Variants in ASIC2 observed in about 807,000 individuals in gnomAD.
The protein encoded by ASIC2 is acid sensing ion channel subunit 2.
A neutral mutation model predicts 57.3 loss-of-function variants in ASIC2; 25 were observed. The ratio of observed to expected loss-of-function variants is 0.44; its 90% CI spans 0.32 to 0.61. The LOEUF is 0.61. Ranked by LOEUF, ASIC2 falls within the 20% of genes least tolerant of loss-of-function variation. The probability of loss-of-function intolerance (pLI) is 0.06; values close to 1 mark genes in which losing one functional copy is unlikely to be tolerated. For missense variants in ASIC2, 641 were observed against 738.1 expected, an observed-to-expected ratio of 0.87 and a Z score of 1.52; for synonymous variants, 319 against 307.5, an observed-to-expected ratio of 1.04 and a Z score of -0.39.
intron 1 of ASIC2, among the ~76,000 whole-genome samples, chr17:33,704,492 A>G (rs1265922781): frequency 1.3e-5 from 2 of 152,164 alleles, no homozygotes; most frequent in African/African-American, 4.8e-5. Flanking sequence ...GTCTCTCTCA[A>G]GGTGTACTGT....
intron 1 of ASIC2, among the ~76,000 whole-genome samples, chr17:33,673,785 C>A (rs1907717132): frequency 6.6e-6 from 1 of 152,176 alleles, no homozygotes; most frequent in Non-Finnish European, 1.5e-5. Flanking sequence ...GCTCCCTGAA[C>A]CTACCTTACT....
At chr17:33,029,360 A>G (rs980495573) in intron 3 of ASIC2, among the ~76,000 whole-genome samples, 6 of 152,148 alleles carry the variant, frequency 3.9e-5, no homozygotes, top group African/African-American at 1.4e-4. Context: ...CAAACTTCAT[A>G]TAAATGAAAG....
chr17:33,447,328 G>A (rs1912064344), intron 1 of ASIC2, among the ~76,000 whole-genome samples: 1 of 152,212 alleles, frequency 6.6e-6, no homozygotes, highest in Non-Finnish European at 1.5e-5. Context: ...CAGGTGACCT[G>A]CCTAGAGATA....
At chr17:33,180,399 C>T (rs142675721) in intron 1 of ASIC2, among the ~76,000 whole-genome samples, 38 of 152,304 alleles carry the variant, frequency 2.5e-4, no homozygotes, top group Middle Eastern at 3.4e-3. Context: ...GCAGGAGGAG[C>T]GCCTTGTACT....
At chr17:34,071,942 C>G (rs1240601951) in intron 1 of ASIC2, 1 of 152,008 alleles carries the variant, frequency 6.6e-6, no homozygotes, top group African/African-American at 2.4e-5. Context: ...TGTCTTTTTT[C>G]TTAAAAGTCA....
intron 1 of ASIC2, among the ~76,000 whole-genome samples, chr17:33,750,236 A>C (rs994624964): frequency 6.6e-6 from 1 of 151,920 alleles, no homozygotes; most frequent in Non-Finnish European, 1.5e-5. Context: ...CCCTTGTCCC[A>C]CTCTGCAGAA....
chr17:33,179,978 T>C (rs1567775165), intron 1 of ASIC2, among the ~76,000 whole-genome samples: 1 of 152,248 alleles, frequency 6.6e-6, no homozygotes, highest in Admixed American at 6.5e-5. Context: ...AGTTTCAATC[T>C]ATCTGTAATT....
chr17:33,045,600 A>T (rs764892385), intron 3 of ASIC2, among the ~76,000 whole-genome samples: 1 of 152,104 alleles, frequency 6.6e-6, no homozygotes, highest in Non-Finnish European at 1.5e-5. Flanking sequence ...CTCCAGCCAC[A>T]GGCTAGGATA....
chr17:33,951,560 C>G (rs977010084), intron 1 of ASIC2, among the ~76,000 whole-genome samples: 1 of 151,080 alleles, frequency 6.6e-6, no homozygotes, highest in Non-Finnish European at 1.5e-5. Context: ...ATTCTTCCCT[C>G]TTTTTTCTTT....
chr17:33,768,265 C>G (rs551499308), intron 1 of ASIC2, among the ~76,000 whole-genome samples: 9 of 152,112 alleles, frequency 5.9e-5, no homozygotes, highest in Non-Finnish European at 1.2e-4. Flanking sequence ...CTCAGCCTCC[C>G]AAAGTGCTGG....
At chr17:34,088,393 C>A (rs1383433379) in intron 1 of ASIC2, among the ~76,000 whole-genome samples, 1 of 152,144 alleles carries the variant, frequency 6.6e-6, no homozygotes, top group Non-Finnish European at 1.5e-5. Context: ...TCTGATTGTT[C>A]CTCTGGAAGT....
At chr17:33,909,458 A>G (rs978648607) in intron 1 of ASIC2, among the ~76,000 whole-genome samples, 1 of 152,324 alleles carries the variant, frequency 6.6e-6, no homozygotes, top group African/African-American at 2.4e-5. Context: ...TTAATAAGAG[A>G]GAAAGCGGGA....
chr17:33,991,924 G>A (rs1906011309), intron 1 of ASIC2, among the ~76,000 whole-genome samples: 1 of 152,122 alleles, frequency 6.6e-6, no homozygotes, highest in Admixed American at 6.6e-5. Context: ...CAAATGAACT[G>A]GTGTTCCTCA....
chr17:33,783,434 C>T (rs1266276235), intron 1 of ASIC2, among the ~76,000 whole-genome samples: 1 of 152,234 alleles, frequency 6.6e-6, no homozygotes. Context: ...GGAATTCATG[C>T]ATGTAAATTC....
At chr17:33,052,544 G>A (rs2091981026) in intron 3 of ASIC2, 1 of 152,282 alleles carries the variant, frequency 6.6e-6, no homozygotes, top group Non-Finnish European at 1.5e-5. Flanking sequence ...TGAGGAGCTT[G>A]GCAGGTGGAG....
chr17:33,112,483 A>G (rs2092263462), intron 1 of ASIC2, among the ~76,000 whole-genome samples: 2 of 152,250 alleles, frequency 1.3e-5, no homozygotes, highest in Middle Eastern at 3.4e-3. Context: ...ATGTGCTTCA[A>G]GCAGACCCTG....
chr17:33,412,351 G>A (rs1910693695), intron 1 of ASIC2, among the ~76,000 whole-genome samples: 1 of 152,154 alleles, frequency 6.6e-6, no homozygotes, highest in African/African-American at 2.4e-5. Flanking sequence ...CCTTCATGTG[G>A]TTCATGGTAA....
intron 1 of ASIC2, among the ~76,000 whole-genome samples, chr17:33,708,663 A>G (rs570734877): frequency 1.3e-5 from 2 of 152,102 alleles, no homozygotes; most frequent in South Asian, 4.1e-4. Flanking sequence ...CATGTCCAGT[A>G]GGGAAAAGAG....
At chr17:33,753,125 T>C (rs1240747021) in intron 1 of ASIC2, among the ~76,000 whole-genome samples, 1 of 152,232 alleles carries the variant, frequency 6.6e-6, no homozygotes, top group Non-Finnish European at 1.5e-5. Flanking sequence ...TATTCAGTGA[T>C]ATAAAGAAAT....
Sources: allele counts gnomAD v4.1 joint callset (sites outside exome capture counted in the v4.1 genomes callset), GRCh38; gene constraint gnomAD v4.1.1; transcripts MANE v1.5; gene names NCBI Gene and HGNC (gene_info 2026-07-23, HGNC 2026-07-21).